Variants in ADGRB2 observed in about 807,000 individuals in gnomAD.
ADGRB2 encodes adhesion G protein-coupled receptor B2.
Under a neutral mutation model 178.7 loss-of-function variants are expected in ADGRB2, and 47 were observed. That is an observed-to-expected ratio of 0.26 (90% CI 0.21 to 0.34). The LOEUF (loss-of-function observed/expected upper bound fraction) is 0.34. Ranked by LOEUF, ADGRB2 falls within the 10% of genes least tolerant of loss-of-function variation. The pLI is 1.00. For missense variants in ADGRB2, 1,584 were observed against 2,180.8 expected, an observed-to-expected ratio of 0.73 and a Z score of 5.45; for synonymous variants, 870 against 912.4, an observed-to-expected ratio of 0.95 and a Z score of 0.84.
At position 31,739,373 on chromosome 1, in the gene ADGRB2, C is replaced by T. The variant is rs1300154812; in HGVS notation, c.2430G>A (p.Glu810=). The change falls in exon 15 of 33, where the codon GAG becomes GAA. Residue 810 remains glutamate, a synonymous_variant. Transcript: ENST00000373658. ...HQRLLPADPD[E]SSYFVIGAVL... ...CAGCACCGATCACAAAGTAGGAGGACTCATCAGGGTCTGCTGGGAGGAGGC... is the reference window on the plus strand; with the variant it reads ...CAGCACCGATCACAAAGTAGGAGGATTCATCAGGGTCTGCTGGGAGGAGGC... The T allele has an allele frequency of 1.3e-6, 2 of 1,518,974 alleles. No homozygotes were observed. Among genetic ancestry groups the T allele is most frequent in the East Asian group, 2.4e-5 (1 of 41,288 alleles). The allele number at this position is 1,518,974 out of a possible 1,614,324, so 94.1% of individuals were successfully genotyped here.
rs1309976116 is a variant in ADGRB2, at chr1:31,740,559, G to A, written c.1795-18C>T. ...TCCCTAAGCTGTAGGTGATGAGGGG[G>A]CCACAGTCACTGAAGTGTCAGGAGC... On this transcript the variant is annotated intron_variant, in intron 11 of 32. Transcript: ENST00000373658. The surrounding 1 kb of genome is among the most constrained non-coding windows in gnomAD (Gnocchi z 5.9). The A allele has an allele frequency of 1.3e-6, 2 of 1,573,720 alleles. No individual in the cohort carries two copies. Among genetic ancestry groups the A allele is most frequent in the South Asian group, 1.2e-5 (1 of 85,742 alleles).
rs772664483 is a variant in ADGRB2, at chr1:31,737,690, C to T, written c.2838G>A (p.Ala946=). ...LVIGCAVSCM[A]LLTLLAIYAA... is the part of the protein sequence containing the mutation. ...CATAGATGGCGAGCAGGGTGAGCAG[C>T]GCCATGCACGACACTGCACAGCCGA... Residue 946 remains alanine (A), a synonymous_variant, in exon 19 of 33, where the codon GCG becomes GCA. Transcript: ENST00000373658. 1.5e-5 allele frequency: 25 copies of T among 1,613,612 alleles called. No homozygotes were observed. Among genetic ancestry groups the T allele is most frequent in the South Asian group, 1.1e-4 (10 of 91,086 alleles).
chr1:31,741,718 A>G lies in ADGRB2; in HGVS notation c.1593T>C (p.His531=), dbSNP rs749503136. Residue 531 remains histidine, a synonymous_variant, in exon 10 of 33, where the codon CAT becomes CAC. Transcript: ENST00000373658. The surrounding 1 kb of genome is among the most constrained non-coding windows in gnomAD (Gnocchi z 6.5). ...PCSEKRCPAF[H]EMCRDEYVML... Reference sequence around the variant, plus strand: ...TCACGTACTCATCCCTGCACATCTCATGGAAGGCTGTGGGTGCAGGGGTAA... The same window carrying G: ...TCACGTACTCATCCCTGCACATCTCGTGGAAGGCTGTGGGTGCAGGGGTAA... 3.7e-6 allele frequency: 6 copies of G among 1,609,592 alleles called. No homozygotes were observed. The highest frequency in any genetic ancestry group is 5.1e-6 in the Non-Finnish European group (6 of 1,176,096).
rs968652220 is a variant in ADGRB2, at chr1:31,758,964, G to A, written c.-190-1453C>T. 2.6e-5 allele frequency among the ~76,000 whole-genome samples: 4 copies of A among 152,180 alleles called. No homozygotes were observed. The highest frequency in any genetic ancestry group is 2.4e-5 in the African/African-American group (1 of 41,434). On this transcript the variant is annotated intron_variant, in intron 1 of 32. Coordinates refer to ENST00000373658, the MANE Select transcript of ADGRB2 (RefSeq NM_001364857.2). This position sits in a 1 kb window ranked among gnomAD's most constrained non-coding sequence, Gnocchi z 4.2. ...TGCTGCCCCCAATTATTTTTAAGCC[G>A]CAAAATTCAGGCCATGGCTGCGGCT... is the stretch of plus-strand genomic sequence containing the variant.
At position 31,727,880 on chromosome 1, in the gene ADGRB2, A is replaced by C. The variant is rs1645066672; in HGVS notation, c.4572+145T>G. 1 of 1,151,042 alleles carries C rather than the reference A, an allele frequency of 8.7e-7. No individual in the cohort carries two copies. The highest frequency in any genetic ancestry group is 1.6e-5 in the African/African-American group (1 of 63,520). 71.3% of individuals were successfully genotyped at this position (1,151,042 alleles called of 1,614,324 possible). The stretch of plus-strand genomic sequence containing the variant: ...GTTCGCCATCTGCAGCACCTTCCCC[A>C]CCCCCAGGCGGCCCCAGACTGTTGC... On this transcript the variant is annotated intron_variant, in intron 32 of 32. Transcript: ENST00000373658. The surrounding 1 kb of genome is among the most constrained non-coding windows in gnomAD (Gnocchi z 4.4).
rs1036194282 is a variant in ADGRB2, at chr1:31,749,935, GAGAA to G, written c.839-5208_839-5205del. ...TGTTTCAGAAAAAGAGAGAGAGAGA[GAGAA>G]AGAAAGAAAGGAAAGAAAGAAAGAA... On this transcript the variant is annotated intron_variant, in intron 4 of 32. Coordinates refer to ENST00000373658, the MANE Select transcript of ADGRB2 (RefSeq NM_001364857.2). 7.6e-4 allele frequency among the ~76,000 whole-genome samples: 115 copies of G among 150,402 alleles called. No individual in the cohort carries two copies. In the East Asian group the frequency reaches 0.015, roughly 19 times the overall value.
intron 4 of ADGRB2, among the ~76,000 whole-genome samples, chr1:31,749,026 A>C (rs999878245): frequency 2.0e-5 from 3 of 151,984 alleles, no homozygotes; most frequent in Non-Finnish European, 4.4e-5. Flanking sequence ...ACAAAATGCC[A>C]CTCAACTTGG....
Position 31,737,519 on chromosome 1 carries a change from A to C in ADGRB2, c.2889T>G (p.Ser963=), listed in dbSNP as rs1279036301. 3.1e-6 allele frequency: 5 copies of C among 1,614,016 alleles called. No homozygotes were observed. The African/African-American group carries it at 6.7e-5, about 22-fold the overall frequency. Residue 963 remains serine, a synonymous_variant, in exon 20 of 33, where the codon TCT becomes TCG. Transcript: ENST00000373658. The stretch of plus-strand genomic sequence containing the variant: ...AGTTCAGCAAGATGATGGAGCGTTC[A>C]GATTTTATGAACCTGCCGGGGCACA... The part of the protein sequence containing the change: ...IYAAFWRFIK[S]ERSIILLNFC...
At chr1:31,746,665 C>T (rs368991179) in intron 4 of ADGRB2, among the ~76,000 whole-genome samples, 9 of 152,130 alleles carry the variant, frequency 5.9e-5, no homozygotes, top group Non-Finnish European at 1.2e-4. Context: ...ACTCTCTCAG[C>T]GATGACCTCA....
rs1645510085 is a variant in ADGRB2 at position 31,735,132 on chromosome 1, CA to C, written c.3452+50del. On this transcript the variant is annotated intron_variant, in intron 25 of 32. Transcript: ENST00000373658. This position sits in a 1 kb window ranked among gnomAD's most constrained non-coding sequence, Gnocchi z 6.0. ...CCCCCACCATGGGCACTGCCCCCCC[CA>C]ATTCCTTTGCCCCACCCACCCCCAC... is the stretch of plus-strand genomic sequence containing the variant. 3.3e-6 allele frequency: 4 copies of C among 1,204,606 alleles called. No homozygotes were observed. Among genetic ancestry groups the C allele is most frequent in the Middle Eastern group, 3.1e-4 (1 of 3,232 alleles). 74.6% of individuals were successfully genotyped at this position (1,204,606 alleles called of 1,614,324 possible).
At chr1:31,749,554 T>A (rs758607313) in intron 4 of ADGRB2, among the ~76,000 whole-genome samples, 2 of 152,182 alleles carry the variant, frequency 1.3e-5, no homozygotes, top group Non-Finnish European at 2.9e-5. Context: ...ACCATATAGG[T>A]TCATTGTGAG....
At chr1:31,738,653 G>GC in intron 16 of ADGRB2, 23 bp from the exon 17 acceptor site, 1 of 1,612,258 alleles carries the variant, frequency 6.2e-7, no homozygotes, top group South Asian at 1.1e-5. Flanking sequence ...AGACATGAGT[G>GC]CAGTCTAGGG....
intron 22 of ADGRB2, among the ~76,000 whole-genome samples, 198 bp from the exon 23 acceptor site, chr1:31,736,091 C>T (rs1432709748): frequency 1.3e-5 from 2 of 152,194 alleles, no homozygotes; most frequent in Non-Finnish European, 2.9e-5. Flanking sequence ...AGGCTCATCC[C>T]CCAGTGCTCC....
intron 25 of ADGRB2, among the ~76,000 whole-genome samples, chr1:31,734,655 G>GC (rs1331492859): frequency 1.3e-5 from 2 of 152,188 alleles, no homozygotes; most frequent in Admixed American, 6.5e-5. Flanking sequence ...AGATGCTAGG[G>GC]CGGGGGTCTC....
intron 29 of ADGRB2, among the ~76,000 whole-genome samples, chr1:31,730,259 T>C (rs1003888577): frequency 2.6e-5 from 4 of 152,158 alleles, no homozygotes; most frequent in Middle Eastern, 3.4e-3. Context: ...CACAGGCCTG[T>C]GGGCAGCATC....
rs1645420618 is a variant in ADGRB2 at position 31,733,703 on chromosome 1, C to CA, written c.3453-561dup. The stretch of plus-strand genomic sequence containing the variant: ...AGGACCAGTGAAGCAGAACTCCCCC[C>CA]ACACACAGAGAAGACGCCAGGCTCC... On this transcript the variant is annotated intron_variant, in intron 25 of 32. Coordinates refer to ENST00000373658, the MANE Select transcript of ADGRB2 (RefSeq NM_001364857.2). This position sits in a 1 kb window ranked among gnomAD's most constrained non-coding sequence, Gnocchi z 4.3. Among the ~76,000 whole-genome samples, 1 of 152,124 alleles carries CA rather than the reference C, an allele frequency of 6.6e-6. No individual in the cohort carries two copies. The highest frequency in any genetic ancestry group is 1.5e-5 in the Non-Finnish European group (1 of 68,024).
At position 31,728,739 on chromosome 1, in the gene ADGRB2, C is replaced by G; in HGVS notation, c.4381-106G>C. On this transcript the variant is annotated intron_variant, in intron 29 of 32. Transcript: ENST00000373658. This position sits in a 1 kb window ranked among gnomAD's most constrained non-coding sequence, Gnocchi z 6.7. ...GCATCCCAGGGGTCTGCCCGCTGCA[C>G]CTTCCCCCCAACCCAGGCCCAGAAG... 1 of 1,403,730 alleles carries G rather than the reference C, an allele frequency of 7.1e-7. No individual in the cohort carries two copies. The highest frequency in any genetic ancestry group is 1.4e-5 in the African/African-American group (1 of 70,232). The allele number at this position is 1,403,730 out of a possible 1,614,324, so 87.0% of individuals were successfully genotyped here. A position where few individuals can be genotyped will look rare whatever the true frequency, so the allele number is the denominator to read the frequency against.
Position 31,735,132 on chromosome 1 carries a change from CAATT to C in ADGRB2, c.3452+47_3452+50del. On this transcript the variant is annotated intron_variant, in intron 25 of 32. Coordinates refer to ENST00000373658, the MANE Select transcript of ADGRB2 (RefSeq NM_001364857.2). The surrounding 1 kb of genome is among the most constrained non-coding windows in gnomAD (Gnocchi z 6.0). ...CCCCCACCATGGGCACTGCCCCCCC[CAATT>C]CCTTTGCCCCACCCACCCCCACCGC... The C allele has an allele frequency of 3.3e-6, 4 of 1,204,586 alleles. No individual in the cohort carries two copies. Among genetic ancestry groups the C allele is most frequent in the Non-Finnish European group, 4.5e-6 (4 of 893,736 alleles). The allele number at this position is 1,204,586 out of a possible 1,614,324, so 74.6% of individuals were successfully genotyped here.
Position 31,742,052 on chromosome 1 carries a change from C to A in ADGRB2, c.1417+1G>T. 3.1e-6 allele frequency: 5 copies of A among 1,605,872 alleles called. No homozygotes were observed. Among genetic ancestry groups the A allele is most frequent in the Non-Finnish European group, 4.3e-6 (5 of 1,175,456 alleles). On this transcript the variant is annotated splice_donor_variant, in intron 8 of 32. Coordinates refer to ENST00000373658, the MANE Select transcript of ADGRB2 (RefSeq NM_001364857.2). LOFTEE classifies it high-confidence loss of function. ...TTGCCACCACTGTGCCAAGCACTCA[C>A]CCGGGCACTCGAGGTTGCTGCACTC...
Sources: gnomAD v4.1 joint callset for allele counts (sites outside exome capture counted in the v4.1 genomes callset) on GRCh38, gnomAD v4.1.1 for gene constraint, Gnocchi (gnomAD v3.1) non-coding constraint, MANE v1.5 for transcripts, NCBI Gene and HGNC (gene_info 2026-07-23, HGNC 2026-07-21) for gene names.